CCDC91: variants seen among roughly 807,000 people sequenced by gnomAD.
CCDC91 encodes coiled-coil domain-containing protein 91.
Under a neutral mutation model 63.2 loss-of-function variants are expected in CCDC91, and 48 were observed. The ratio of observed to expected loss-of-function variants is 0.76; its 90% CI spans 0.60 to 0.97. The LOEUF is 0.97. CCDC91 is among the 50% of genes least tolerant of loss of function. The pLI, the probability that CCDC91 is intolerant of heterozygous loss-of-function variation, is 0.00. For missense variants in CCDC91, 500 were observed against 494.6 expected (o/e 1.01, Z -0.10); for synonymous variants, 167 against 165.8 (o/e 1.01, Z -0.06).
chr12:28,447,422 ACTT>A lies in CCDC91; in HGVS notation c.763-2735_763-2733del, dbSNP rs576255964. On this transcript the variant is annotated intron_variant, in intron 8 of 12. Transcript: ENST00000536442. ...GGTAATGGGACACTGGGATATTTTC[ACTT>A]CTTTATATTTTTTATAATGAGCATA... 1.4e-4 allele frequency among the ~76,000 whole-genome samples: 22 copies of A among 152,014 alleles called. No homozygotes were observed. The South Asian group carries it at 4.4e-3, about 30-fold the overall frequency.
intron 6 of CCDC91, among the ~76,000 whole-genome samples, chr12:28,330,084 C>G (rs1592326922): frequency 6.6e-6 from 1 of 152,072 alleles, no homozygotes; most frequent in African/African-American, 2.4e-5. Context: ...ATACGTGTGC[C>G]TGTGTCTTTA....
chr12:28,400,829 G>T (rs1346637028), intron 8 of CCDC91, among the ~76,000 whole-genome samples: 1 of 152,104 alleles, frequency 6.6e-6, no homozygotes, highest in Non-Finnish European at 1.5e-5. Flanking sequence ...CTTTGCCCCA[G>T]TTCCCAACAA....
intron 1 of CCDC91, among the ~76,000 whole-genome samples, chr12:28,200,897 CG>C (rs1942196937): frequency 6.6e-6 from 1 of 150,494 alleles, no homozygotes; most frequent in Non-Finnish European, 1.5e-5. Flanking sequence ...GCTGGCCGGG[CG>C]GGGGGCTGAC....
chr12:28,425,321 A>G (rs1468225201), intron 8 of CCDC91, among the ~76,000 whole-genome samples: 2 of 152,126 alleles, frequency 1.3e-5, no homozygotes, highest in East Asian at 3.9e-4. Flanking sequence ...CCTTATTGGA[A>G]GAAGGAGGGG....
intron 7 of CCDC91, among the ~76,000 whole-genome samples, chr12:28,375,734 A>G (rs1944904553): frequency 6.6e-6 from 1 of 151,968 alleles, no homozygotes; most frequent in Non-Finnish European, 1.5e-5. Flanking sequence ...ACTGCAAGCA[A>G]CATAAGAATT....
intron 1 of CCDC91, among the ~76,000 whole-genome samples, chr12:28,208,051 CCAGT>C (rs1227284471): frequency 1.4e-4 from 21 of 151,986 alleles, no homozygotes; most frequent in Non-Finnish European, 4.4e-5. Flanking sequence ...GTTTTATAAC[CCAGT>C]CAGTCTTTTC....
intron 1 of CCDC91, among the ~76,000 whole-genome samples, chr12:28,202,487 C>CT (rs58703896): frequency 0.26 from 39,706 of 152,080 alleles, 5,448 homozygotes; most frequent in Non-Finnish European, 0.31. Flanking sequence ...ACTTTGTATT[C>CT]TTTTATGTGT....
chr12:28,202,326 T>A (rs1179286175), intron 1 of CCDC91, among the ~76,000 whole-genome samples: 2 of 152,202 alleles, frequency 1.3e-5, no homozygotes, highest in Non-Finnish European at 2.9e-5. Context: ...TCTTGTCTCT[T>A]GCATGTCTCA....
chr12:28,520,346 C>A (rs1940485730), intron 12 of CCDC91, among the ~76,000 whole-genome samples: 1 of 151,974 alleles, frequency 6.6e-6, no homozygotes, highest in African/African-American at 2.4e-5. Flanking sequence ...TTTTCATGTG[C>A]CTGTTGGCTG....
chr12:28,401,855 T>C (rs1946641496), intron 8 of CCDC91, among the ~76,000 whole-genome samples: 1 of 152,240 alleles, frequency 6.6e-6, no homozygotes, highest in Non-Finnish European at 1.5e-5. Context: ...TTTGTATGTT[T>C]TCCTAGGTTA....
intron 1 of CCDC91, among the ~76,000 whole-genome samples, chr12:28,217,537 T>C (rs1943643199): frequency 6.6e-6 from 1 of 152,106 alleles, no homozygotes; most frequent in Non-Finnish European, 1.5e-5. Context: ...TATTTTTCTG[T>C]GCCACAAAGG....
chr12:28,246,657 T>C (rs1945756328), intron 1 of CCDC91, among the ~76,000 whole-genome samples: 1 of 152,102 alleles, frequency 6.6e-6, no homozygotes. Flanking sequence ...TTATACAGTA[T>C]AATGAAAGGA....
chr12:28,230,180 T>A (rs557398894), intron 1 of CCDC91, among the ~76,000 whole-genome samples: 1 of 152,296 alleles, frequency 6.6e-6, no homozygotes, highest in South Asian at 2.1e-4. Context: ...TAATCTGGGG[T>A]CATTCTGTAC....
At chr12:28,459,307 A>C (rs557025174) in intron 11 of CCDC91, among the ~76,000 whole-genome samples, 2 of 152,280 alleles carry the variant, frequency 1.3e-5, no homozygotes, top group Non-Finnish European at 2.9e-5. Flanking sequence ...TTATAAAAAG[A>C]CCTGTTTCTA....
chr12:28,239,013 G>A (rs909792351), intron 1 of CCDC91, among the ~76,000 whole-genome samples: 1 of 151,898 alleles, frequency 6.6e-6, no homozygotes, highest in African/African-American at 2.4e-5. Flanking sequence ...CAGCTACTCG[G>A]GAAGGCTGGG....
chr12:28,466,179 G>T (rs116287744), intron 11 of CCDC91, among the ~76,000 whole-genome samples: 1 of 151,982 alleles, frequency 6.6e-6, no homozygotes, highest in Non-Finnish European at 1.5e-5. Context: ...GGAGACAAAA[G>T]AATAAAAAAC....
At chr12:28,300,708 G>A (rs1428695490) in intron 3 of CCDC91, among the ~76,000 whole-genome samples, 1 of 151,164 alleles carries the variant, frequency 6.6e-6, no homozygotes, top group African/African-American at 2.4e-5. Flanking sequence ...GAGAGGACTG[G>A]GATTTTTATG....
chr12:28,435,533 T>G (rs1396662035), intron 8 of CCDC91, among the ~76,000 whole-genome samples: 1 of 151,850 alleles, frequency 6.6e-6, no homozygotes, highest in Non-Finnish European at 1.5e-5. Context: ...GCTTAGAATG[T>G]GGTCTATGCT....
chr12:28,460,404 A>G (rs146420022), intron 11 of CCDC91, among the ~76,000 whole-genome samples: 10 of 152,118 alleles, frequency 6.6e-5, no homozygotes, highest in Non-Finnish European at 1.5e-4. Flanking sequence ...TGTCAAATGA[A>G]TGTGCTAAGG....
Sources: allele counts gnomAD v4.1 joint callset (sites outside exome capture counted in the v4.1 genomes callset), GRCh38; gene constraint gnomAD v4.1.1; transcripts MANE v1.5; gene names NCBI Gene and HGNC (gene_info 2026-07-23, HGNC 2026-07-21).